RPTOR: variants seen among roughly 807,000 people sequenced by gnomAD.
The protein encoded by RPTOR is regulatory associated protein of MTOR complex 1.
Under a neutral mutation model 169.9 loss-of-function variants are expected in RPTOR, and 21 were observed. That is an observed-to-expected ratio of 0.12 (90% CI 0.09 to 0.18). The LOEUF is 0.18. RPTOR is among the 10% of genes least tolerant of loss of function. The pLI, the probability that RPTOR is intolerant of heterozygous loss-of-function variation, is 1.00. For synonymous variants in RPTOR, 732 were observed against 753.2 expected, an observed-to-expected ratio of 0.97 and a Z score of 0.46; for missense variants, 1,133 against 1,855.9, an observed-to-expected ratio of 0.61 and a Z score of 7.16.
At chr17:80,879,480 A>G (rs1038374842) in intron 13 of RPTOR, among the ~76,000 whole-genome samples, 1 of 146,358 alleles carries the variant, frequency 6.8e-6, no homozygotes, top group East Asian at 2.1e-4. Flanking sequence ...TCCTAGCAGC[A>G]GGAGTCTTTT....
chr17:80,851,811 T>G, intron 11 of RPTOR, among the ~76,000 whole-genome samples: 1 of 152,378 alleles, frequency 6.6e-6, no homozygotes, highest in South Asian at 2.1e-4. Flanking sequence ...TAACAGGAAC[T>G]GGCCTTGATT....
intron 3 of RPTOR, among the ~76,000 whole-genome samples, chr17:80,681,614 ACG>A (rs2065898698): frequency 1.4e-5 from 2 of 147,626 alleles, no homozygotes; most frequent in Non-Finnish European, 1.5e-5. Context: ...CATGAGGTGT[ACG>A]TCTCTTACAC....
At chr17:80,614,401 AACAATT>A (rs2065293692) in intron 1 of RPTOR, among the ~76,000 whole-genome samples, 1 of 152,222 alleles carries the variant, frequency 6.6e-6, no homozygotes, top group African/African-American at 2.4e-5. Flanking sequence ...AATTTTTGTC[AACAATT>A]ACTATATCAA....
At chr17:80,756,065 C>A (rs1250608160) in intron 6 of RPTOR, among the ~76,000 whole-genome samples, 2 of 152,242 alleles carry the variant, frequency 1.3e-5, no homozygotes, top group East Asian at 1.9e-4. Context: ...AGTTTTAATG[C>A]CTTCCCCCAA....
At chr17:80,794,990 C>G (rs1241000977) in intron 7 of RPTOR, among the ~76,000 whole-genome samples, 2 of 152,176 alleles carry the variant, frequency 1.3e-5, no homozygotes, top group Non-Finnish European at 2.9e-5. Context: ...TCCACCCACA[C>G]GTTCCAATCC....
chr17:80,796,060 G>C (rs1415228764), intron 7 of RPTOR, among the ~76,000 whole-genome samples: 2 of 152,230 alleles, frequency 1.3e-5, no homozygotes, highest in Admixed American at 1.3e-4. Flanking sequence ...CAAGGCGCCA[G>C]AGAGGCCGTG....
chr17:80,788,603 G>A (rs1373622375), intron 6 of RPTOR, among the ~76,000 whole-genome samples: 2 of 152,010 alleles, frequency 1.3e-5, no homozygotes, highest in Non-Finnish European at 2.9e-5. Context: ...TCTACTCTTT[G>A]TTTCTGGAAG....
rs1332350316 is a variant in RPTOR, at chr17:80,962,923, C to A, written c.3810-5C>A. The A allele has an allele frequency of 1.2e-6, 2 of 1,613,448 alleles. No homozygotes were observed. Among genetic ancestry groups the A allele is most frequent in the African/African-American group, 1.3e-5 (1 of 74,932 alleles). On this transcript the variant is annotated splice_region_variant and splice_polypyrimidine_tract_variant and intron_variant, in intron 32 of 33. Transcript: ENST00000306801. ...GTGATGCCGGGACCCTTTCTCTCCCCACAGTGGCTCCGTCAATCAGTTCAC... is the reference window on the plus strand; with the variant it reads ...GTGATGCCGGGACCCTTTCTCTCCCAACAGTGGCTCCGTCAATCAGTTCAC...
chr17:80,636,867 G>GA (rs1483794586), intron 2 of RPTOR, among the ~76,000 whole-genome samples: 27 of 152,190 alleles, frequency 1.8e-4, no homozygotes, highest in Non-Finnish European at 2.9e-5. Context: ...GGCTGACTAC[G>GA]AAAGAGGGCT....
At chr17:80,962,679 C>CAG (rs2069360333) in intron 32 of RPTOR, 102 bp downstream of exon 32, 1 of 1,188,236 alleles carries the variant, frequency 8.4e-7, no homozygotes, top group African/African-American at 1.5e-5. Context: ...TGAAGGAGGG[C>CAG]AGGGGAGGAT....
Position 80,878,944 on chromosome 17 carries a change from CTCTAGG to C in RPTOR, c.1510-1470_1510-1465del, listed in dbSNP as rs1374044427. ...CCACAGGACCCTCGGAAGCCCCTTCCTCTAGGGGCCCGTCCCTCCTCCTTCCCCAGG... is the reference window on the plus strand; with the variant it reads ...CCACAGGACCCTCGGAAGCCCCTTCCGGCCCGTCCCTCCTCCTTCCCCAGG... On this transcript the variant is annotated intron_variant, in intron 13 of 33. Coordinates refer to ENST00000306801, the MANE Select transcript of RPTOR (RefSeq NM_020761.3). This position sits in a 1 kb window ranked among gnomAD's most constrained non-coding sequence, Gnocchi z 4.1. Among the ~76,000 whole-genome samples the C allele has an allele frequency of 6.6e-6, 1 of 152,168 alleles. No homozygotes were observed.
At chr17:80,819,289 C>T (rs919981717) in intron 7 of RPTOR, among the ~76,000 whole-genome samples, 13 of 152,240 alleles carry the variant, frequency 8.5e-5, no homozygotes, top group Admixed American at 5.2e-4. Context: ...GGAAGGGTAT[C>T]CCCATGATCG....
intron 9 of RPTOR, among the ~76,000 whole-genome samples, chr17:80,829,879 A>G (rs1184180689): frequency 1.3e-5 from 2 of 152,212 alleles, no homozygotes; most frequent in Non-Finnish European, 2.9e-5. Flanking sequence ...TGATGATGTG[A>G]ATTCAGGGAG....
intron 6 of RPTOR, among the ~76,000 whole-genome samples, chr17:80,763,256 T>A (rs1404920616): frequency 2.6e-5 from 4 of 151,300 alleles, no homozygotes; most frequent in East Asian, 3.9e-4. Context: ...TAAAAAAAAA[T>A]AATAATAATA....
intron 2 of RPTOR, among the ~76,000 whole-genome samples, chr17:80,630,724 GACCAGCACA>G (rs2065435519): frequency 6.6e-6 from 1 of 152,234 alleles, no homozygotes; most frequent in Non-Finnish European, 1.5e-5. Flanking sequence ...ACATAAAGCT[GACCAGCACA>G]GTCCTCGTGC....
At position 80,695,643 on chromosome 17, in the gene RPTOR, G is replaced by T. The variant is rs11655435; in HGVS notation, c.349-12198G>T. On this transcript the variant is annotated intron_variant, in intron 3 of 33. Transcript: ENST00000306801. The surrounding 1 kb of genome is among the most constrained non-coding windows in gnomAD (Gnocchi z 4.9). Reference sequence around the variant, plus strand: ...ACCTTGGGCTTCCTAGTCTCTGCACGTTACCCCGAATTCCAGAATAATCGT... The same window carrying T: ...ACCTTGGGCTTCCTAGTCTCTGCACTTTACCCCGAATTCCAGAATAATCGT... Among the ~76,000 whole-genome samples the T allele has an allele frequency of 6.6e-6, 1 of 152,236 alleles. No individual in the cohort carries two copies. The highest frequency in any genetic ancestry group is 1.9e-4 in the East Asian group (1 of 5,180).
At chr17:80,938,064 T>C (rs1356805304) in intron 24 of RPTOR, among the ~76,000 whole-genome samples, 1 of 152,332 alleles carries the variant, frequency 6.6e-6, no homozygotes, top group East Asian at 1.9e-4. Flanking sequence ...TGGCGGCCCC[T>C]ACCCCTACAG....
intron 3 of RPTOR, among the ~76,000 whole-genome samples, chr17:80,682,138 C>G (rs1401589435): frequency 1.5e-5 from 2 of 135,326 alleles, no homozygotes; most frequent in Non-Finnish European, 3.1e-5. Flanking sequence ...AAGTCTCGCT[C>G]TGTCATCCAG....
Position 80,962,990 on chromosome 17 carries a change from A to G in RPTOR, c.3872A>G (p.Lys1291Arg). Residue 1291 changes from lysine (K) to arginine (R), a missense_variant, in exon 33 of 34, where the codon AAG (lysine) becomes AGG (arginine). Around this residue, in one of 9 missense-constraint regions of RPTOR, gnomAD observed 410 missense variants for 623.7 expected, o/e 0.66. Coordinates refer to ENST00000306801, the MANE Select transcript of RPTOR (RefSeq NM_020761.3). ...NSSGELINNIKYYDGFMGQRV... is the reference protein window; with the variant it reads ...NSSGELINNIRYYDGFMGQRV... ...AGCGGAGAGCTCATCAACAACATCA[A>G]GTACTACGACGGCTTCATGGGCCAG... The G allele has an allele frequency of 6.2e-7, 1 of 1,613,120 alleles. No homozygotes were observed. The highest frequency in any genetic ancestry group is 8.5e-7 in the Non-Finnish European group (1 of 1,179,780).
Sources: gnomAD v4.1 joint callset for allele counts (sites outside exome capture counted in the v4.1 genomes callset) on GRCh38, gnomAD v4.1.1 for gene constraint, gnomAD v4.1.1 regional missense constraint, Gnocchi (gnomAD v3.1) non-coding constraint, MANE v1.5 for transcripts, NCBI Gene and HGNC (gene_info 2026-07-23, HGNC 2026-07-21) for gene names.